FBLN7: variants seen among roughly 807,000 people sequenced by gnomAD.
FBLN7 encodes the protein fibulin 7.
In FBLN7, 31 loss-of-function variants were observed where a neutral mutation model predicts 44.0. The ratio of observed to expected loss-of-function variants is 0.70; its 90% CI spans 0.53 to 0.95. The LOEUF is 0.95. FBLN7 is among the 40% of genes least tolerant of loss of function. The probability of loss-of-function intolerance (pLI) is 0.00; values close to 1 mark genes in which losing one functional copy is unlikely to be tolerated. For synonymous variants in FBLN7, 262 were observed against 253.4 expected (o/e 1.03, Z -0.32); for missense variants, 573 against 618.5 (o/e 0.93, Z 0.78).
At chr2:112,238,698 T>C in the FBLN7 span, 2 of 473,122 alleles carry the variant, frequency 4.2e-6, no homozygotes, top group Non-Finnish European at 7.1e-6. Context: ...ATTTCCAGAA[T>C]TAAAAAAAAG....
the FBLN7 span, chr2:112,213,775 C>CAAAAAAAA: frequency 4.2e-5 from 1 of 24,076 alleles, no homozygotes; most frequent in African/African-American, 2.0e-4. Context: ...GACTCCGTCT[C>CAAAAAAAA]AAAAAAAAAA....
intron 2 of FBLN7, among the ~76,000 whole-genome samples, chr2:112,160,732 G>A (rs373040722): frequency 1.4e-4 from 12 of 83,616 alleles, no homozygotes; most frequent in South Asian, 1.1e-3. Flanking sequence ...GCACACGCAC[G>A]CACACGCACA....
chr2:112,186,456 A>C (rs1030640696), intron 7 of FBLN7, among the ~76,000 whole-genome samples: 2 of 152,134 alleles, frequency 1.3e-5, no homozygotes, highest in Non-Finnish European at 2.9e-5. Flanking sequence ...CCTGGCCAGC[A>C]TGGTGAAACC....
In FBLN7 at chr2:112,154,441, C is replaced by G. The variant is rs558159402; in HGVS notation, c.76-5235C>G. On this transcript the variant is annotated intron_variant, in intron 1 of 7. Transcript: ENST00000331203. ...GAGGGGACGGCCTCTGGAACACGCTCTGTCCTTCCTGGTGTGCAGGGGCCT... is the reference window on the plus strand; with the variant it reads ...GAGGGGACGGCCTCTGGAACACGCTGTGTCCTTCCTGGTGTGCAGGGGCCT... Among the ~76,000 whole-genome samples, 209 of 152,308 alleles carry G rather than the reference C, an allele frequency of 1.4e-3. 1 individual carries two copies. The highest frequency in any genetic ancestry group is 4.8e-3 in the African/African-American group (199 of 41,578).
At position 112,165,181 on chromosome 2, in the gene FBLN7, C is replaced by T; in HGVS notation, c.406+10C>T. 6.2e-7 allele frequency: 1 copy of T among 1,613,472 alleles called. No individual in the cohort carries two copies. The highest frequency in any genetic ancestry group is 8.5e-7 in the Non-Finnish European group (1 of 1,179,566). On this transcript the variant is annotated intron_variant, in intron 3 of 7. Coordinates refer to ENST00000331203, the MANE Select transcript of FBLN7 (RefSeq NM_153214.3). ...CAGCCCCACTGTAGAGGTATCGTCT[C>T]TCCTTCCCATCCCACTGCGCTGGAC...
the FBLN7 span, among the ~76,000 whole-genome samples, chr2:112,209,307 T>C: frequency 6.6e-6 from 1 of 152,046 alleles, no homozygotes; most frequent in African/African-American, 2.4e-5. Context: ...TCTCTGGAGG[T>C]GTTTTAGTAC....
At chr2:112,188,409 G>A (rs1295285080), downstream of FBLN7, 1 of 152,192 alleles carries the variant, frequency 6.6e-6, no homozygotes, top group African/African-American at 2.4e-5. Context: ...CCTGGCCGTG[G>A]AGAGTTTAGG....
At chr2:112,184,674 C>CTGTATATGGTGTATATATGGTATATATA (rs1553479338) in intron 6 of FBLN7, among the ~76,000 whole-genome samples, 9 of 39,130 alleles carry the variant, frequency 2.3e-4, no homozygotes, top group South Asian at 2.1e-3. Context: ...TATATATATG[C>CTGTATATGGTGTATATATGGTATATATA]TGTATATGGT....
rs1234170897 is a variant in FBLN7, at chr2:112,160,059, C to T, written c.235+224C>T. ...AGGCTGGAGTGCAGTGGCGCGATCT[C>T]GGCTCACTGCAAGCTCCGCCTCCCG... On this transcript the variant is annotated intron_variant, in intron 2 of 7. Transcript: ENST00000331203. 3.9e-5 allele frequency among the ~76,000 whole-genome samples: 6 copies of T among 152,202 alleles called. No individual in the cohort carries two copies. In the South Asian group the frequency reaches 6.2e-4, roughly 16 times the overall value.
chr2:112,217,190 G>A, the FBLN7 span, among the ~76,000 whole-genome samples: 3 of 152,084 alleles, frequency 2.0e-5, no homozygotes, highest in Non-Finnish European at 4.4e-5. Flanking sequence ...CCAACATGGT[G>A]AAACCCCACT....
chr2:112,238,274 C>G, the FBLN7 span: 6 of 1,588,376 alleles, frequency 3.8e-6, no homozygotes, highest in Non-Finnish European at 5.2e-6. Context: ...GTGACTGCTT[C>G]TCTAGATAAA....
chr2:112,237,823 T>C, the FBLN7 span, among the ~76,000 whole-genome samples: 1 of 152,160 alleles, frequency 6.6e-6, no homozygotes, highest in African/African-American at 2.4e-5. Context: ...AGCCTCGGCC[T>C]TCCAAAGTGC....
the FBLN7 span, among the ~76,000 whole-genome samples, chr2:112,240,984 T>TGCGCGC: frequency 7.6e-6 from 1 of 132,332 alleles, no homozygotes; most frequent in Non-Finnish European, 1.6e-5. Context: ...TGTGTGTGTG[T>TGCGCGC]GCGCGTGTGT....
chr2:112,212,884 CAGG>C, the FBLN7 span: 1 of 151,282 alleles, frequency 6.6e-6, no homozygotes, highest in Non-Finnish European at 1.5e-5. Context: ...TTATAATTGG[CAGG>C]AGGAGCCCCA....
the FBLN7 span, among the ~76,000 whole-genome samples, chr2:112,205,617 A>C: frequency 6.6e-6 from 1 of 152,120 alleles, no homozygotes; most frequent in African/African-American, 2.4e-5. Context: ...ACACCAATTA[A>C]ATCAGTTGCT....
intron 7 of FBLN7, among the ~76,000 whole-genome samples, chr2:112,186,619 G>A (rs1452613890): frequency 3.9e-5 from 6 of 152,076 alleles, no homozygotes; most frequent in Non-Finnish European, 8.8e-5. Flanking sequence ...CAGCCTGGGC[G>A]ACAGAGTGAG....
chr2:112,142,075 C>G lies in FBLN7; in HGVS notation c.75+3345C>G, dbSNP rs146160424. On this transcript the variant is annotated intron_variant, in intron 1 of 7. Transcript: ENST00000331203. ...GTCATTTAAAAATTCTAGTGAGACT[C>G]TCTTTCACCCACAGTCCTATGTGGC... 1.5e-4 allele frequency among the ~76,000 whole-genome samples: 23 copies of G among 152,304 alleles called. No individual in the cohort carries two copies. In the East Asian group the frequency reaches 4.4e-3, roughly 29 times the overall value.
chr2:112,178,308 T>C (rs1379993012), intron 4 of FBLN7, among the ~76,000 whole-genome samples: 1 of 128,334 alleles, frequency 7.8e-6, no homozygotes, highest in Non-Finnish European at 1.7e-5. Context: ...GAACAAAAAA[T>C]AGTGGCCCAT....
In FBLN7 at chr2:112,138,502, G is replaced by C; in HGVS notation, c.-154G>C. 1 of 997,318 alleles carries C rather than the reference G, an allele frequency of 1.0e-6. No individual in the cohort carries two copies. The highest frequency in any genetic ancestry group is 4.3e-5 in the Admixed American group (1 of 23,284). The allele number at this position is 997,318 out of a possible 1,614,324, so 61.8% of individuals were successfully genotyped here. ...CGCCGATCCCCGCGGGACGCGCTGC[G>C]CTCGGGGCCTCCCGCCTCCCCCCCT... On this transcript the variant is annotated 5_prime_UTR_variant, in exon 1 of 8. Transcript: ENST00000331203.
Sources: gnomAD v4.1 joint callset for allele counts (sites outside exome capture counted in the v4.1 genomes callset) on GRCh38, gnomAD v4.1.1 for gene constraint, MANE v1.5 for transcripts, NCBI Gene and HGNC (gene_info 2026-07-23, HGNC 2026-07-21) for gene names.